The following IQGAP2 variants were observed in gnomAD, a reference collection of about 807,000 sequenced individuals.
The protein encoded by IQGAP2 is ras GTPase-activating-like protein IQGAP2.
Under a neutral mutation model 201.3 loss-of-function variants are expected in IQGAP2, and 173 were observed. The observed-to-expected ratio is 0.86, with a 90% CI of 0.76 to 0.98. IQGAP2 has a LOEUF of 0.98. IQGAP2 is among the 50% of genes least tolerant of loss of function. IQGAP2 has a pLI of 0.00. For synonymous variants in IQGAP2, 675 were observed against 673.9 expected, an observed-to-expected ratio of 1.00 and a Z score of -0.03; for missense variants, 1,687 against 1,864.8, an observed-to-expected ratio of 0.90 and a Z score of 1.76.
At chr5:76,535,986 A>C (rs542224151) in intron 2 of IQGAP2, among the ~76,000 whole-genome samples, 1 of 152,210 alleles carries the variant, frequency 6.6e-6, no homozygotes, top group Non-Finnish European at 1.5e-5. Flanking sequence ...AGGAAATAAC[A>C]TTAACATTAA....
intron 1 of IQGAP2, among the ~76,000 whole-genome samples, chr5:76,446,378 G>T (rs753397712): frequency 6.6e-6 from 1 of 151,968 alleles, no homozygotes; most frequent in African/African-American, 2.4e-5. Flanking sequence ...TTTTTAATAT[G>T]TAAAATTATT....
intron 2 of IQGAP2, among the ~76,000 whole-genome samples, chr5:76,545,806 T>C (rs973890158): frequency 3.3e-5 from 5 of 152,242 alleles, no homozygotes; most frequent in African/African-American, 1.2e-4. Context: ...TGTACTTTTG[T>C]GTTACTGTTT....
intron 13 of IQGAP2, among the ~76,000 whole-genome samples, chr5:76,621,301 G>A (rs533255293): frequency 1.3e-5 from 2 of 152,288 alleles, no homozygotes; most frequent in African/African-American, 4.8e-5. Flanking sequence ...GTAACTGAGG[G>A]GTATGGAGGT....
chr5:76,695,218 C>T (rs1193928940), intron 31 of IQGAP2, among the ~76,000 whole-genome samples: 1 of 152,148 alleles, frequency 6.6e-6, no homozygotes, highest in African/African-American at 2.4e-5. Context: ...GATTTGTCAC[C>T]TTGGCAATAA....
At chr5:76,562,131 G>A (rs1744418271) in intron 2 of IQGAP2, among the ~76,000 whole-genome samples, 1 of 152,152 alleles carries the variant, frequency 6.6e-6, no homozygotes, top group Non-Finnish European at 1.5e-5. Context: ...AAAGAGACTT[G>A]GCAGAGGCTC....
chr5:76,647,482 G>T (rs900677836), intron 17 of IQGAP2, among the ~76,000 whole-genome samples: 1 of 151,682 alleles, frequency 6.6e-6, no homozygotes, highest in South Asian at 2.1e-4. Context: ...TCATGGGGGC[G>T]GTTTCCCCCA....
intron 14 of IQGAP2, among the ~76,000 whole-genome samples, chr5:76,629,437 A>G (rs1561529806): frequency 6.6e-6 from 1 of 152,168 alleles, no homozygotes; most frequent in Non-Finnish European, 1.5e-5. Context: ...AGAGTAACTC[A>G]AGTCCCTTTC....
At chr5:76,573,006 C>T (rs1745219697) in intron 4 of IQGAP2, among the ~76,000 whole-genome samples, 1 of 152,186 alleles carries the variant, frequency 6.6e-6, no homozygotes, top group African/African-American at 2.4e-5. Context: ...ATTTTCTCTT[C>T]TCCTAAAATG....
At chr5:76,453,867 C>T (rs1271254030) in intron 1 of IQGAP2, among the ~76,000 whole-genome samples, 1 of 152,142 alleles carries the variant, frequency 6.6e-6, no homozygotes, top group Non-Finnish European at 1.5e-5. Flanking sequence ...GTTTCTTTCC[C>T]TTCTTCTAAA....
intron 12 of IQGAP2, among the ~76,000 whole-genome samples, chr5:76,609,839 A>ATG (rs1206251187): frequency 4.7e-5 from 6 of 126,938 alleles, no homozygotes; most frequent in African/African-American, 6.4e-5. Context: ...TTTTATATAT[A>ATG]TATGTGTGTG....
At chr5:76,634,820 A>C (rs556956800) in intron 15 of IQGAP2, among the ~76,000 whole-genome samples, 4 of 152,190 alleles carry the variant, frequency 2.6e-5, no homozygotes, top group Admixed American at 2.6e-4. Flanking sequence ...TTCGCGTATA[A>C]TTTTGTCTGC....
intron 5 of IQGAP2, among the ~76,000 whole-genome samples, chr5:76,583,365 C>G (rs1185464180): frequency 6.6e-6 from 1 of 151,950 alleles, no homozygotes; most frequent in African/African-American, 2.4e-5. Context: ...ACCTCCCACA[C>G]AGAGATTAGG....
intron 4 of IQGAP2, among the ~76,000 whole-genome samples, chr5:76,573,437 T>C (rs1036572928): frequency 2.0e-5 from 3 of 152,240 alleles, no homozygotes; most frequent in Admixed American, 1.3e-4. Flanking sequence ...AGAAATACAA[T>C]GCTGCATAAA....
intron 2 of IQGAP2, among the ~76,000 whole-genome samples, chr5:76,474,411 G>A (rs985588056): frequency 1.3e-5 from 2 of 152,128 alleles, no homozygotes; most frequent in African/African-American, 4.8e-5. Context: ...ATGGTTTGGG[G>A]GAATTAGCCA....
intron 17 of IQGAP2, among the ~76,000 whole-genome samples, chr5:76,644,472 G>A (rs1027664441): frequency 6.6e-6 from 1 of 151,382 alleles, no homozygotes; most frequent in African/African-American, 2.4e-5. Flanking sequence ...GCTCATTTTG[G>A]TATTTTTTAT....
chr5:76,530,041 A>G lies in IQGAP2; in HGVS notation c.147-32355A>G, dbSNP rs542523685. On this transcript the variant is annotated intron_variant, in intron 2 of 35. Transcript: ENST00000274364. ...AAATAGGAGTAAAGAAGGTTTGATT[A>G]GTCTGTAACAGCAGCTGGCACATTT... is the stretch of plus-strand genomic sequence containing the variant. Among the ~76,000 whole-genome samples the G allele has an allele frequency of 1.8e-3, 270 of 152,314 alleles. 1 individual carries two copies. Among genetic ancestry groups the G allele is most frequent in the Non-Finnish European group, 2.6e-3 (180 of 68,024 alleles).
chr5:76,633,280 A>G (rs2909891), intron 15 of IQGAP2, among the ~76,000 whole-genome samples: 85,965 of 151,442 alleles, frequency 0.57, 24,441 homozygotes, highest in South Asian at 0.63. Flanking sequence ...CTGAGATCAT[A>G]TTGAATCTGT....
intron 11 of IQGAP2, among the ~76,000 whole-genome samples, chr5:76,604,120 C>T (rs1747624613): frequency 6.6e-6 from 1 of 151,990 alleles, no homozygotes. Flanking sequence ...TAATGCTATT[C>T]CTCCCCTAGT....
At chr5:76,482,399 C>T (rs1194965813) in intron 2 of IQGAP2, among the ~76,000 whole-genome samples, 1 of 152,262 alleles carries the variant, frequency 6.6e-6, no homozygotes, top group East Asian at 1.9e-4. Flanking sequence ...GTCTTTTTCT[C>T]TTAATAAAGG....
Sources: allele counts gnomAD v4.1 joint callset (sites outside exome capture counted in the v4.1 genomes callset), GRCh38; gene constraint gnomAD v4.1.1; transcripts MANE v1.5; gene names NCBI Gene and HGNC (gene_info 2026-07-23, HGNC 2026-07-21).